MAP3K5: variants seen among roughly 807,000 people sequenced by gnomAD.
MAP3K5 encodes the protein mitogen-activated protein kinase kinase kinase 5.
MAP3K5 carries 56 observed loss-of-function variants against 158.7 expected under a neutral mutation model. That is an observed-to-expected ratio of 0.35 (90% CI 0.28 to 0.44). The LOEUF is 0.44. MAP3K5 is among the 20% of genes least tolerant of loss of function. MAP3K5 has a pLI of 1.00. For synonymous variants in MAP3K5, 579 were observed against 601.7 expected, an observed-to-expected ratio of 0.96 and a Z score of 0.55; for missense variants, 1,294 against 1,674.8, an observed-to-expected ratio of 0.77 and a Z score of 3.97.
chr6:136,638,662 G>GT (rs1010034565), intron 13 of MAP3K5, among the ~76,000 whole-genome samples: 5 of 148,320 alleles, frequency 3.4e-5, no homozygotes, highest in Non-Finnish European at 7.4e-5. Context: ...ATTTCCAAGT[G>GT]TTTTTTTTTC....
intron 1 of MAP3K5, among the ~76,000 whole-genome samples, chr6:136,728,448 G>A (rs1257119695): frequency 6.6e-6 from 1 of 152,094 alleles, no homozygotes; most frequent in Non-Finnish European, 1.5e-5. Flanking sequence ...ATACAGCTAG[G>A]AATGTTGAAA....
chr6:136,726,804 T>C (rs1166175748), intron 1 of MAP3K5, among the ~76,000 whole-genome samples: 1 of 152,194 alleles, frequency 6.6e-6, no homozygotes, highest in African/African-American at 2.4e-5. Flanking sequence ...ACAATAATTT[T>C]TGTAGATTGA....
chr6:136,577,159 A>G (rs939384959), intron 25 of MAP3K5, among the ~76,000 whole-genome samples: 17 of 152,168 alleles, frequency 1.1e-4, no homozygotes, highest in African/African-American at 3.9e-4. Context: ...TAACTATAGT[A>G]TCTTGCATCT....
At chr6:136,789,845 T>C (rs1462815583) in intron 1 of MAP3K5, among the ~76,000 whole-genome samples, 1 of 152,078 alleles carries the variant, frequency 6.6e-6, no homozygotes, top group Non-Finnish European at 1.5e-5. Context: ...TGCACCACCA[T>C]GCCTGGCTAA....
At chr6:136,627,645 C>T (rs1357550405) in intron 14 of MAP3K5, among the ~76,000 whole-genome samples, 1 of 152,156 alleles carries the variant, frequency 6.6e-6, no homozygotes, top group African/African-American at 2.4e-5. Flanking sequence ...CTTGAAGGAG[C>T]CTGGTTGAGC....
In MAP3K5 at chr6:136,562,509, G is replaced by A; in HGVS notation, c.3868C>T (p.Pro1290Ser). 6.4e-7 allele frequency: 1 copy of A among 1,571,034 alleles called. No homozygotes were observed. Among genetic ancestry groups the A allele is most frequent in the Non-Finnish European group, 8.7e-7 (1 of 1,148,472 alleles). ...AAAACTTTCTGCTATTCACCTATGGGTTGGGACTTAAGCTTCAGGTGTTTA... is the reference window on the plus strand; with the variant it reads ...AAAACTTTCTGCTATTCACCTATGGATTGGGACTTAAGCTTCAGGTGTTTA... The part of the protein sequence containing the change: ...EIKHLKLKSQ[P>S]IEIPELPVFH... The change falls in exon 27 of 30, where the codon CCC becomes TCC. Residue 1290 changes from proline (P) to serine (S), a missense_variant. This residue lies in a region of MAP3K5 where 199 missense variants were observed against 220.3 expected (regional missense o/e 0.90). Transcript: ENST00000359015.
At position 136,603,977 on chromosome 6, in the gene MAP3K5, T is replaced by A. The variant is rs548664612; in HGVS notation, c.2679+1232A>T. Among the ~76,000 whole-genome samples, 5 of 152,256 alleles carry A rather than the reference T, an allele frequency of 3.3e-5. No homozygotes were observed. In the South Asian group the frequency reaches 1.0e-3, roughly 32 times the overall value. ...CACAAGAGGCTATGCACAGATGGAA[T>A]AAGAGCTAGAAACATGGTCTGCAGC... is the stretch of plus-strand genomic sequence containing the variant. On this transcript the variant is annotated intron_variant, in intron 19 of 29. Coordinates refer to ENST00000359015, the MANE Select transcript of MAP3K5 (RefSeq NM_005923.4).
At chr6:136,640,758 C>A (rs1777889239) in intron 12 of MAP3K5, among the ~76,000 whole-genome samples, 1 of 152,222 alleles carries the variant, frequency 6.6e-6, no homozygotes, top group Admixed American at 6.5e-5. Context: ...TTAATGCCCA[C>A]TAACTCGAGC....
chr6:136,649,009 G>A (rs187030387), intron 11 of MAP3K5, among the ~76,000 whole-genome samples: 6 of 152,138 alleles, frequency 3.9e-5, no homozygotes, highest in East Asian at 1.9e-4. Flanking sequence ...TTGCTCTGTC[G>A]CCCAGGCTGG....
At chr6:136,765,701 T>G (rs2114985990) in intron 1 of MAP3K5, among the ~76,000 whole-genome samples, 1 of 144,382 alleles carries the variant, frequency 6.9e-6, no homozygotes, top group African/African-American at 2.6e-5. Flanking sequence ...TTTTTTTTTT[T>G]GTATTTTTAG....
chr6:136,607,532 C>G (rs1276307313), intron 18 of MAP3K5, among the ~76,000 whole-genome samples: 1 of 152,142 alleles, frequency 6.6e-6, no homozygotes, highest in Non-Finnish European at 1.5e-5. Flanking sequence ...AAGATGAGAG[C>G]CAACCTGAAC....
chr6:136,572,020 T>C (rs147618748), intron 25 of MAP3K5, among the ~76,000 whole-genome samples: 2 of 152,298 alleles, frequency 1.3e-5, no homozygotes, highest in African/African-American at 2.4e-5. Context: ...GTCAAAATCA[T>C]GTGTTTTACT....
At chr6:136,599,200 T>A (rs1775771187) in intron 21 of MAP3K5, among the ~76,000 whole-genome samples, 1 of 151,364 alleles carries the variant, frequency 6.6e-6, no homozygotes, top group Non-Finnish European at 1.5e-5. Context: ...AGCTCCTAAT[T>A]TGGTTAGCAC....
chr6:136,760,657 A>G lies in MAP3K5; in HGVS notation c.448+31053T>C, dbSNP rs548550680. Reference sequence around the variant, plus strand: ...AGGTTAGGAGGGTGGAACCCTCATGAATGGGATTAGTGCCCTTATAAAACA... The same window carrying G: ...AGGTTAGGAGGGTGGAACCCTCATGGATGGGATTAGTGCCCTTATAAAACA... On this transcript the variant is annotated intron_variant, in intron 1 of 29. Coordinates refer to ENST00000359015, the MANE Select transcript of MAP3K5 (RefSeq NM_005923.4). Among the ~76,000 whole-genome samples, 10 of 152,326 alleles carry G rather than the reference A, an allele frequency of 6.6e-5. No homozygotes were observed. The South Asian group carries it at 2.1e-3, about 32-fold the overall frequency.
At chr6:136,591,727 T>A (rs1775395692) in intron 23 of MAP3K5, among the ~76,000 whole-genome samples, 1 of 152,230 alleles carries the variant, frequency 6.6e-6, no homozygotes, top group Admixed American at 6.5e-5. Context: ...CTTTTAAATA[T>A]AACCTTACAA....
intron 1 of MAP3K5, among the ~76,000 whole-genome samples, chr6:136,738,961 C>T (rs1299034555): frequency 6.6e-6 from 1 of 152,080 alleles, no homozygotes; most frequent in Non-Finnish European, 1.5e-5. Flanking sequence ...CACACACACA[C>T]ACACACCCAT....
Position 136,651,063 on chromosome 6 carries a change from T to C in MAP3K5, c.1709A>G (p.Tyr570Cys). The change falls in exon 11 of 30, where the codon TAT becomes TGT. Residue 570 changes from tyrosine to cysteine, a missense_variant. Around this residue, in one of 5 missense-constraint regions of MAP3K5, gnomAD observed 690 missense variants for 870.5 expected, o/e 0.79. Coordinates refer to ENST00000359015, the MANE Select transcript of MAP3K5 (RefSeq NM_005923.4). The stretch of plus-strand genomic sequence containing the variant: ...GTTGATAGACAAATAAGAAGGTTGA[T>C]AGATTTTGGTTGGTTCTAATATTAA... ...PVLILEPTKI[Y>C]QPSYLSINNE... The C allele has an allele frequency of 6.2e-7, 1 of 1,609,288 alleles. No homozygotes were observed. The highest frequency in any genetic ancestry group is 8.5e-7 in the Non-Finnish European group (1 of 1,176,704).
intron 1 of MAP3K5, among the ~76,000 whole-genome samples, chr6:136,753,279 G>C (rs1053789744): frequency 2.2e-4 from 33 of 152,070 alleles, no homozygotes; most frequent in Admixed American, 1.5e-3. Context: ...GGCCTTTACT[G>C]CTTTTTTTTC....
chr6:136,773,430 T>C, intron 1 of MAP3K5, among the ~76,000 whole-genome samples: 1 of 152,208 alleles, frequency 6.6e-6, no homozygotes, highest in Non-Finnish European at 1.5e-5. Context: ...CTGGCAAAGT[T>C]ATCAGGGGTT....
Sources: gnomAD v4.1 joint callset for allele counts (sites outside exome capture counted in the v4.1 genomes callset) on GRCh38, gnomAD v4.1.1 for gene constraint, gnomAD v4.1.1 regional missense constraint, MANE v1.5 for transcripts, NCBI Gene and HGNC (gene_info 2026-07-23, HGNC 2026-07-21) for gene names.